The following VEGFC variants were observed in gnomAD, a reference collection of about 807,000 sequenced individuals.
The protein encoded by VEGFC is vascular endothelial growth factor C, also known as FLT4 ligand DHM.
VEGFC carries 12 observed loss-of-function variants against 46.1 expected under a neutral mutation model. That is an observed-to-expected ratio of 0.26 (90% CI 0.17 to 0.42). VEGFC has a LOEUF of 0.42. VEGFC is among the 10% of genes least tolerant of loss of function. The pLI is 1.00. For synonymous variants in VEGFC, 232 were observed against 195.5 expected, an observed-to-expected ratio of 1.19 and a Z score of -1.56; for missense variants, 488 against 529.4, an observed-to-expected ratio of 0.92 and a Z score of 0.77.
At position 176,723,158 on chromosome 4, in the gene VEGFC, G is replaced by A. The variant is rs569356366; in HGVS notation, c.552+4620C>T. Among the ~76,000 whole-genome samples the A allele has an allele frequency of 7.2e-5, 11 of 152,156 alleles. No individual in the cohort carries two copies. The South Asian group carries it at 1.7e-3, about 23-fold the overall frequency. On this transcript the variant is annotated intron_variant, in intron 3 of 6. Transcript: ENST00000618562. ...TAAGAAAGATATAATGTTGGCTTTT[G>A]CTCATATTAACTAATGAATGAGAGA...
intron 1 of VEGFC, among the ~76,000 whole-genome samples, chr4:176,759,257 TG>T (rs1216771727): frequency 6.6e-6 from 1 of 151,688 alleles, no homozygotes; most frequent in African/African-American, 2.4e-5. Flanking sequence ...TTTGGGACAG[TG>T]GGGGGAAAAA....
chr4:176,730,450 A>G (rs1369361613), intron 1 of VEGFC, among the ~76,000 whole-genome samples: 7 of 152,194 alleles, frequency 4.6e-5, no homozygotes, highest in African/African-American at 1.4e-4. Context: ...TATCTAAGAA[A>G]TAAATACAAT....
At chr4:176,723,666 G>A (rs2111011795) in intron 3 of VEGFC, among the ~76,000 whole-genome samples, 1 of 148,272 alleles carries the variant, frequency 6.7e-6, no homozygotes, top group East Asian at 2.0e-4. Flanking sequence ...TTTATTTTAG[G>A]TTTCGCGGTG....
At chr4:176,705,487 T>G (rs1271070202) in intron 4 of VEGFC, among the ~76,000 whole-genome samples, 7 of 152,186 alleles carry the variant, frequency 4.6e-5, no homozygotes, top group Non-Finnish European at 7.4e-5. Context: ...ATACTAGAAA[T>G]GTTAGAAGAT....
At chr4:176,763,714 G>C (rs1045212781) in intron 1 of VEGFC, among the ~76,000 whole-genome samples, 2 of 152,114 alleles carry the variant, frequency 1.3e-5, no homozygotes, top group African/African-American at 4.8e-5. Flanking sequence ...AGAAATGCAT[G>C]ATTTAACCTT....
At chr4:176,777,918 CAAAAAAA>C (rs773634012) in intron 1 of VEGFC, among the ~76,000 whole-genome samples, 6 of 57,138 alleles carry the variant, frequency 1.1e-4, no homozygotes, top group African/African-American at 3.8e-4. Context: ...GACTTTGTCT[CAAAAAAA>C]AAAAAAAAAA....
chr4:176,779,046 A>G (rs966895217), intron 1 of VEGFC, among the ~76,000 whole-genome samples: 1 of 152,226 alleles, frequency 6.6e-6, no homozygotes, highest in African/African-American at 2.4e-5. Flanking sequence ...GCTAGAATGT[A>G]TAGTGCTGTA....
chr4:176,732,221 C>A (rs1734979999), intron 1 of VEGFC, among the ~76,000 whole-genome samples: 2 of 151,746 alleles, frequency 1.3e-5, no homozygotes, highest in African/African-American at 4.8e-5. Context: ...AGAAGGTGAA[C>A]TGAATATTAA....
rs149720977 is a variant in VEGFC at position 176,724,872 on chromosome 4, C to T, written c.552+2906G>A. ...ATGTGGGAGCTAAACGAGTGGATCT[C>T]ATGGAAGTAGAGAGAAGAATACTGA... On this transcript the variant is annotated intron_variant, in intron 3 of 6. Coordinates refer to ENST00000618562, the MANE Select transcript of VEGFC (RefSeq NM_005429.5). Among the ~76,000 whole-genome samples, 235 of 152,086 alleles carry T rather than the reference C, an allele frequency of 1.5e-3. 1 individual carries two copies. The highest frequency in any genetic ancestry group is 2.0e-3 in the Non-Finnish European group (134 of 67,986).
At chr4:176,727,151 G>A (rs940942753) in intron 3 of VEGFC, among the ~76,000 whole-genome samples, 3 of 152,198 alleles carry the variant, frequency 2.0e-5, no homozygotes, top group African/African-American at 7.2e-5. Flanking sequence ...TATGTGTCTG[G>A]TCTGAAAATC....
At position 176,792,061 on chromosome 4, in the gene VEGFC, C is replaced by T; in HGVS notation, c.147+104G>A. Reference sequence around the variant, plus strand: ...GCTCAGTAACTTTGGATCCCACGTACACAAGCTTAAAGCACACACACTTTC... The same window carrying T: ...GCTCAGTAACTTTGGATCCCACGTATACAAGCTTAAAGCACACACACTTTC... On this transcript the variant is annotated intron_variant, in intron 1 of 6. Coordinates refer to ENST00000618562, the MANE Select transcript of VEGFC (RefSeq NM_005429.5). This position sits in a 1 kb window ranked among gnomAD's most constrained non-coding sequence, Gnocchi z 6.3. The T allele has an allele frequency of 7.4e-6, 10 of 1,344,498 alleles. No individual in the cohort carries two copies. The highest frequency in any genetic ancestry group is 9.6e-6 in the Non-Finnish European group (10 of 1,039,202). 83.3% of individuals were successfully genotyped at this position (1,344,498 alleles called of 1,614,324 possible).
At chr4:176,772,669 G>A (rs1735742149) in intron 1 of VEGFC, among the ~76,000 whole-genome samples, 1 of 152,154 alleles carries the variant, frequency 6.6e-6, no homozygotes, top group South Asian at 2.1e-4. Flanking sequence ...ATGAGGCTCT[G>A]CCCACCTGAA....
chr4:176,742,127 C>T (rs768438373), intron 1 of VEGFC, among the ~76,000 whole-genome samples: 10 of 151,936 alleles, frequency 6.6e-5, no homozygotes, highest in Non-Finnish European at 1.3e-4. Context: ...CTACTGTTTC[C>T]ATCTTTATGT....
At chr4:176,737,491 TTA>T (rs1194315817) in intron 1 of VEGFC, among the ~76,000 whole-genome samples, 3 of 150,518 alleles carry the variant, frequency 2.0e-5, no homozygotes, top group African/African-American at 4.8e-5. Context: ...GAAAGATAAT[TTA>T]TGTCTTTTAG....
At chr4:176,721,451 G>C (rs1266248392) in intron 3 of VEGFC, among the ~76,000 whole-genome samples, 2 of 152,126 alleles carry the variant, frequency 1.3e-5, no homozygotes, top group African/African-American at 2.4e-5. Flanking sequence ...CTGCTAAAAA[G>C]TGGCAAATAG....
At chr4:176,766,965 G>GA (rs36042722) in intron 1 of VEGFC, among the ~76,000 whole-genome samples, 123,051 of 148,834 alleles carry the variant, frequency 0.83, 52,338 homozygotes, top group East Asian at 1. Context: ...GGAAAAACAA[G>GA]AAAAAATCAC....
intron 1 of VEGFC, among the ~76,000 whole-genome samples, chr4:176,791,669 T>TA (rs1736095688): frequency 6.6e-6 from 1 of 152,134 alleles, no homozygotes. Flanking sequence ...GTTACTAAAG[T>TA]CCCTGACACT....
chr4:176,729,134 T>G (rs1200528093), intron 2 of VEGFC, among the ~76,000 whole-genome samples: 1 of 152,218 alleles, frequency 6.6e-6, no homozygotes, highest in Non-Finnish European at 1.5e-5. Context: ...ACAAGTGACA[T>G]CTGAAAAGGT....
At chr4:176,748,053 C>T (rs970241507) in intron 1 of VEGFC, among the ~76,000 whole-genome samples, 1 of 151,958 alleles carries the variant, frequency 6.6e-6, no homozygotes, top group East Asian at 1.9e-4. Flanking sequence ...TACCTTGAGG[C>T]ATTCAATATG....
Sources: gnomAD v4.1 joint callset for allele counts (sites outside exome capture counted in the v4.1 genomes callset) on GRCh38, gnomAD v4.1.1 for gene constraint, Gnocchi (gnomAD v3.1) non-coding constraint, MANE v1.5 for transcripts, NCBI Gene and HGNC (gene_info 2026-07-23, HGNC 2026-07-21) for gene names.